MOV10L1: variants seen among roughly 807,000 people sequenced by gnomAD.
The protein encoded by MOV10L1 is RNA helicase Mov10l1.
In MOV10L1, 110 loss-of-function variants were observed where a neutral mutation model predicts 143.8. That is an observed-to-expected ratio of 0.76 (90% CI 0.66 to 0.90). The LOEUF is 0.90. Among genes scored for constraint, MOV10L1 ranks in the 40% least tolerant of loss-of-function variants. The probability of loss-of-function intolerance (pLI) is 0.00; values close to 1 mark genes in which losing one functional copy is unlikely to be tolerated. For missense variants in MOV10L1, 1,406 were observed against 1,526.8 expected (o/e 0.92, Z 1.32); for synonymous variants, 593 against 581.1 (o/e 1.02, Z -0.29).
chr22:50,119,587 T>C (rs927279722), intron 9 of MOV10L1, among the ~76,000 whole-genome samples: 3 of 151,862 alleles, frequency 2.0e-5, no homozygotes, highest in African/African-American at 7.3e-5. Flanking sequence ...GTTCAGGCTG[T>C]TGACCTAAGC....
chr22:50,128,325 G>T (rs866454046), intron 12 of MOV10L1, 91 bp from the exon 13 acceptor site: 5 of 746,176 alleles, frequency 6.7e-6, no homozygotes, highest in Middle Eastern at 5.1e-4. Flanking sequence ...TTTTAGCTCA[G>T]AGCTATAGAA....
In MOV10L1 at chr22:50,152,636, T is replaced by C. The variant is rs939410030; in HGVS notation, c.2893-409T>C. Among the ~76,000 whole-genome samples, 5 of 152,118 alleles carry C rather than the reference T, an allele frequency of 3.3e-5. No individual in the cohort carries two copies. The highest frequency in any genetic ancestry group is 1.2e-4 in the African/African-American group (5 of 41,422). On this transcript the variant is annotated intron_variant, in intron 21 of 26. Coordinates refer to ENST00000262794, the MANE Select transcript of MOV10L1 (RefSeq NM_018995.3). This position sits in a 1 kb window ranked among gnomAD's most constrained non-coding sequence, Gnocchi z 4.4. ...AGGGGCCCAGGAGCTCTTCCTTCCC[T>C]GTGGCCAAGCGGAGGCAGGGCTGTG...
chr22:50,123,014 C>T (rs1161732353), intron 10 of MOV10L1, among the ~76,000 whole-genome samples: 1 of 151,356 alleles, frequency 6.6e-6, no homozygotes, highest in African/African-American at 2.4e-5. Context: ...TCTTCTCTTC[C>T]TAGTTTGTTA....
At chr22:50,149,884 G>A (rs12484907) in intron 20 of MOV10L1, among the ~76,000 whole-genome samples, 170 bp downstream of exon 20, 6,488 of 152,284 alleles carry the variant, frequency 0.043, 244 homozygotes, top group South Asian at 0.16. Flanking sequence ...ATTCCTTTTG[G>A]ACTAGAAGTG....
intron 22 of MOV10L1, among the ~76,000 whole-genome samples, chr22:50,154,335 T>C (rs984345384): frequency 4.6e-5 from 7 of 152,130 alleles, no homozygotes; most frequent in South Asian, 2.1e-4. Flanking sequence ...GGCAGGAGGA[T>C]TGCTTGAGCC....
At chr22:50,148,895 ACCT>A (rs2063222816) in intron 19 of MOV10L1, among the ~76,000 whole-genome samples, 1 of 152,008 alleles carries the variant, frequency 6.6e-6, no homozygotes, top group Admixed American at 6.6e-5. Context: ...TGATCTCCTG[ACCT>A]CGTGATCCAC....
At chr22:50,146,372 G>A (rs138267) in intron 19 of MOV10L1, among the ~76,000 whole-genome samples, 54,994 of 151,722 alleles carry the variant, frequency 0.36, 11,105 homozygotes, top group Non-Finnish European at 0.46. Flanking sequence ...GTGGGGTGCC[G>A]GCTGTCATAG....
intron 10 of MOV10L1, among the ~76,000 whole-genome samples, chr22:50,121,735 C>T (rs2062352333): frequency 6.6e-6 from 1 of 152,142 alleles, no homozygotes; most frequent in Non-Finnish European, 1.5e-5. Flanking sequence ...CTCCTCAGCT[C>T]CTCCCTGGGG....
At chr22:50,104,984 T>C (rs2061834029) in intron 3 of MOV10L1, among the ~76,000 whole-genome samples, 1 of 151,664 alleles carries the variant, frequency 6.6e-6, no homozygotes. Context: ...CTCAACCTCG[T>C]GGGCTCAAGC....
Position 50,158,152 on chromosome 22 carries a change from C to T in MOV10L1, c.3162C>T (p.Ile1054=), listed in dbSNP as rs1351276808. The change falls in exon 23 of 27, where the codon ATC becomes ATT. Residue 1054 remains isoleucine, a synonymous_variant. Coordinates refer to ENST00000262794, the MANE Select transcript of MOV10L1 (RefSeq NM_018995.3). The surrounding 1 kb of genome is among the most constrained non-coding windows in gnomAD (Gnocchi z 5.0). The stretch of plus-strand genomic sequence containing the variant: ...ACTGCTGCCTCCTGGCCCACAGCAT[C>T]TCCAGTCAGGTGTCTGCCAGCGACA... ...LRYCCLLAHS[I]SSQVSASDIG... 7 of 1,614,090 alleles carry T rather than the reference C, an allele frequency of 4.3e-6. No individual in the cohort carries two copies. The highest frequency in any genetic ancestry group is 2.2e-5 in the East Asian group (1 of 44,892).
intron 9 of MOV10L1, among the ~76,000 whole-genome samples, chr22:50,120,029 A>G: frequency 6.6e-6 from 1 of 152,054 alleles, no homozygotes; most frequent in East Asian, 1.9e-4. Flanking sequence ...AACAAACTGA[A>G]TTTCCCCAGA....
intron 5 of MOV10L1, chr22:50,109,664 CCTT>C (rs748985672): frequency 2.1e-3 from 370 of 174,886 alleles, no homozygotes; most frequent in Middle Eastern, 0.013. Flanking sequence ...GAGCGAGACT[CCTT>C]CTCAAAAAAA....
chr22:50,114,915 G>C (rs570726950), intron 7 of MOV10L1, among the ~76,000 whole-genome samples, 199 bp from the exon 8 acceptor site: 2 of 152,290 alleles, frequency 1.3e-5, no homozygotes, highest in South Asian at 4.1e-4. Context: ...CCCAGCACTT[G>C]GTAGTCACAG....
In MOV10L1 at chr22:50,158,145, A is replaced by G; in HGVS notation, c.3155A>G (p.His1052Arg). ...CTGCGCTACTGCTGCCTCCTGGCCC[A>G]CAGCATCTCCAGTCAGGTGTCTGCC... ...QVLRYCCLLAHSISSQVSASD... is the reference protein window; with the variant it reads ...QVLRYCCLLARSISSQVSASD... The change falls in exon 23 of 27, where the codon CAC becomes CGC. Residue 1052 changes from histidine (H) to arginine (R), a missense_variant. By Grantham distance (29) the His-to-Arg change is conservative (BLOSUM62 0). Transcript: ENST00000262794. The surrounding 1 kb of genome is among the most constrained non-coding windows in gnomAD (Gnocchi z 5.0). 4 of 1,614,180 alleles carry G rather than the reference A, an allele frequency of 2.5e-6. No homozygotes were observed. Among genetic ancestry groups the G allele is most frequent in the Non-Finnish European group, 3.4e-6 (4 of 1,180,034 alleles).
At chr22:50,132,960 C>T (rs13058596) in intron 13 of MOV10L1, among the ~76,000 whole-genome samples, 34,078 of 151,780 alleles carry the variant, frequency 0.22, 4,186 homozygotes, top group Admixed American at 0.35. Flanking sequence ...TGCTTGAACC[C>T]AGGAGGCGGA....
intron 15 of MOV10L1, among the ~76,000 whole-genome samples, chr22:50,136,657 T>C (rs2062830339): frequency 6.6e-6 from 1 of 151,810 alleles, no homozygotes; most frequent in South Asian, 2.1e-4. Flanking sequence ...AGAGACAGCA[T>C]TTGGAAGGGT....
chr22:50,150,871 G>T lies in MOV10L1; in HGVS notation c.2864G>T (p.Gly955Val), dbSNP rs770771041. 1 of 1,614,186 alleles carries T rather than the reference G, an allele frequency of 6.2e-7. No homozygotes were observed. Among genetic ancestry groups the T allele is most frequent in the South Asian group, 1.1e-5 (1 of 91,086 alleles). The change falls in exon 21 of 27, where the codon GGT (glycine) becomes GTT (valine). Residue 955 changes from glycine to valine, a missense_variant. By Grantham distance (109) the Gly-to-Val change is moderately radical. Transcript: ENST00000262794. Reference sequence around the variant, plus strand: ...TACCAGAGGGACGAAAATGCTTTCGGTGCTTGTGGCGCACATAATCCCCTG... The same window carrying T: ...TACCAGAGGGACGAAAATGCTTTCGTTGCTTGTGGCGCACATAATCCCCTG... ...PAYQRDENAF[G>V]ACGAHNPLLV...
At chr22:50,113,526 C>T (rs566639268) in intron 5 of MOV10L1, 122 bp from the exon 6 acceptor site, 2 of 1,335,782 alleles carry the variant, frequency 1.5e-6, no homozygotes, top group Non-Finnish European at 2.0e-6. Flanking sequence ...CTGTGGAAGC[C>T]CTGCCTGTGG....
intron 2 of MOV10L1, among the ~76,000 whole-genome samples, chr22:50,098,809 T>A (rs984828918): frequency 2.0e-5 from 3 of 152,196 alleles, no homozygotes; most frequent in African/African-American, 7.2e-5. Flanking sequence ...TTGTGAGATT[T>A]TTGTTTATGG....
Sources: gnomAD v4.1 joint callset for allele counts (sites outside exome capture counted in the v4.1 genomes callset) on GRCh38, gnomAD v4.1.1 for gene constraint, Gnocchi (gnomAD v3.1) non-coding constraint, MANE v1.5 for transcripts, NCBI Gene and HGNC (gene_info 2026-07-23, HGNC 2026-07-21) for gene names.